Variants in ANTXR1 observed in about 807,000 individuals in gnomAD.
ANTXR1 encodes anthrax toxin receptor 1.
ANTXR1 carries 19 observed loss-of-function variants against 78.1 expected under a neutral mutation model. That is an observed-to-expected ratio of 0.24 (90% CI 0.17 to 0.36). ANTXR1 has a LOEUF of 0.36. ANTXR1 is among the 10% of genes least tolerant of loss of function. The pLI is 1.00. For synonymous variants in ANTXR1, 273 were observed against 260.5 expected (o/e 1.05, Z -0.46); for missense variants, 518 against 718.6 (o/e 0.72, Z 3.19).
At position 69,123,054 on chromosome 2, in the gene ANTXR1, G is replaced by A. The variant is rs1328891292; in HGVS notation, c.840G>A (p.Leu280=). The change falls in exon 11 of 18, where the codon CTG becomes CTA. Residue 280 remains leucine (L), a synonymous_variant. Coordinates refer to ENST00000303714, the MANE Select transcript of ANTXR1 (RefSeq NM_032208.3). ...KPFSVEDTYL[L]CPAPILKEVG... is the part of the protein sequence containing the mutation. ...TTTCTGTGGAAGATACTTATTTACTGTGTCCAGCGCCTATCTTAAAAGAAG... is the reference window on the plus strand; with the variant it reads ...TTTCTGTGGAAGATACTTATTTACTATGTCCAGCGCCTATCTTAAAAGAAG... 6.2e-7 allele frequency: 1 copy of A among 1,614,094 alleles called. No individual in the cohort carries two copies. Among genetic ancestry groups the A allele is most frequent in the African/African-American group, 1.3e-5 (1 of 74,980 alleles).
rs137967140 is a variant in ANTXR1, at chr2:69,161,480, C to G, written c.1048-8768C>G. 2.4e-3 allele frequency among the ~76,000 whole-genome samples: 368 copies of G among 152,334 alleles called. 1 individual carries two copies. The highest frequency in any genetic ancestry group is 8.6e-3 in the African/African-American group (356 of 41,568). On this transcript the variant is annotated intron_variant, in intron 13 of 17. Coordinates refer to ENST00000303714, the MANE Select transcript of ANTXR1 (RefSeq NM_032208.3). ...ACCCTTGGTACCATCCTTTGCTAAA[C>G]TTTTACAGTGTAAAATTACTGGATT...
At chr2:69,053,646 A>T (rs971569444) in intron 3 of ANTXR1, among the ~76,000 whole-genome samples, 3 of 152,196 alleles carry the variant, frequency 2.0e-5, no homozygotes, top group Non-Finnish European at 4.4e-5. Context: ...GCAGACCAAG[A>T]TCATTATCTT....
intron 13 of ANTXR1, among the ~76,000 whole-genome samples, chr2:69,169,006 G>A (rs1030873368): frequency 1.2e-4 from 18 of 152,252 alleles, no homozygotes; most frequent in African/African-American, 3.6e-4. Context: ...ATGCAGAGAT[G>A]ACGTTATCAA....
chr2:69,163,794 G>A (rs1447912377), intron 13 of ANTXR1, among the ~76,000 whole-genome samples: 4 of 152,198 alleles, frequency 2.6e-5, no homozygotes, highest in Non-Finnish European at 5.9e-5. Context: ...ACTACTGGTG[G>A]CTGGGCAGCA....
At chr2:69,238,668 A>T (rs1310341064) in intron 17 of ANTXR1, among the ~76,000 whole-genome samples, 1 of 152,246 alleles carries the variant, frequency 6.6e-6, no homozygotes, top group Non-Finnish European at 1.5e-5. Flanking sequence ...CTAATTCATT[A>T]GTAACTTGAG....
chr2:69,067,778 G>T (rs1346521103), intron 3 of ANTXR1, among the ~76,000 whole-genome samples: 5 of 152,178 alleles, frequency 3.3e-5, no homozygotes, highest in Admixed American at 1.3e-4. Flanking sequence ...ACAGGGCAGA[G>T]CTGCCCCCTG....
intron 8 of ANTXR1, among the ~76,000 whole-genome samples, chr2:69,081,976 A>G (rs1238840057): frequency 6.6e-6 from 1 of 152,272 alleles, no homozygotes; most frequent in Admixed American, 6.5e-5. Context: ...CACAGTGAGT[A>G]GTGATCCCGA....
intron 10 of ANTXR1, among the ~76,000 whole-genome samples, chr2:69,115,149 G>A (rs544815476): frequency 6.6e-6 from 1 of 152,316 alleles, no homozygotes; most frequent in East Asian, 1.9e-4. Flanking sequence ...TCCTCCCCCA[G>A]TTGCAGTAAC....
At chr2:69,075,746 T>C (rs2104227330) in intron 7 of ANTXR1, 88 bp downstream of exon 7, 1 of 1,160,650 alleles carries the variant, frequency 8.6e-7, no homozygotes, top group South Asian at 1.2e-5. Flanking sequence ...GGAAGATCAA[T>C]GGAATAAATG....
At chr2:69,031,150 T>A (rs1437105510) in intron 1 of ANTXR1, among the ~76,000 whole-genome samples, 1 of 152,108 alleles carries the variant, frequency 6.6e-6, no homozygotes. Flanking sequence ...TGCCCACCCC[T>A]GGACTAAGAA....
chr2:69,029,572 A>C (rs1671463453), intron 1 of ANTXR1, among the ~76,000 whole-genome samples: 1 of 151,748 alleles, frequency 6.6e-6, no homozygotes, highest in African/African-American at 2.4e-5. Flanking sequence ...AGAAAAAAAA[A>C]TAGGCTCAAC....
chr2:69,069,235 A>T (rs1670494771), intron 3 of ANTXR1, among the ~76,000 whole-genome samples: 1 of 152,180 alleles, frequency 6.6e-6, no homozygotes, highest in Non-Finnish European at 1.5e-5. Context: ...TGCCAGGATA[A>T]ATATGAGAGA....
intron 3 of ANTXR1, among the ~76,000 whole-genome samples, chr2:69,067,445 CTTTTT>C (rs372043237): frequency 6.5e-5 from 8 of 123,336 alleles, no homozygotes; most frequent in African/African-American, 8.9e-5. Context: ...CCCAAGAAGC[CTTTTT>C]TTTTTTTTTT....
rs566435914 is a variant in ANTXR1 at position 69,143,072 on chromosome 2, T to A, written c.952-9097T>A. 1.5e-4 allele frequency among the ~76,000 whole-genome samples: 23 copies of A among 152,320 alleles called. No homozygotes were observed. The South Asian group carries it at 3.3e-3, about 22-fold the overall frequency. The stretch of plus-strand genomic sequence containing the variant: ...CAATGAAGAGCTATTAAAAAGTTCA[T>A]GGGCAGGCAAATCTATCAGAATATC... On this transcript the variant is annotated intron_variant, in intron 12 of 17. Transcript: ENST00000303714.
At chr2:69,163,945 C>A (rs1299496159) in intron 13 of ANTXR1, among the ~76,000 whole-genome samples, 1 of 152,206 alleles carries the variant, frequency 6.6e-6, no homozygotes, top group Non-Finnish European at 1.5e-5. Flanking sequence ...CTTTACCTTG[C>A]AAAAATCATA....
At chr2:69,031,576 T>C (rs1671531449) in intron 1 of ANTXR1, among the ~76,000 whole-genome samples, 1 of 152,202 alleles carries the variant, frequency 6.6e-6, no homozygotes, top group East Asian at 1.9e-4. Context: ...CCCTCATTCT[T>C]AGCATCTGTC....
At chr2:69,072,790 T>C (rs541921866) in intron 5 of ANTXR1, among the ~76,000 whole-genome samples, 4 of 152,238 alleles carry the variant, frequency 2.6e-5, no homozygotes, top group South Asian at 2.1e-4. Context: ...TTGGCCATTT[T>C]TCAAGATGAG....
chr2:69,141,610 G>C (rs1205145717), intron 12 of ANTXR1, among the ~76,000 whole-genome samples: 2 of 152,212 alleles, frequency 1.3e-5, no homozygotes, highest in Non-Finnish European at 2.9e-5. Context: ...GACCCTGGGA[G>C]ACATACCAGT....
intron 1 of ANTXR1, among the ~76,000 whole-genome samples, chr2:69,021,543 C>T (rs148286028): frequency 8.5e-4 from 130 of 152,170 alleles, no homozygotes; most frequent in Admixed American, 1.9e-3. Flanking sequence ...ATCAAGGCTG[C>T]GAGGGAAGAG....
Sources: allele counts gnomAD v4.1 joint callset (sites outside exome capture counted in the v4.1 genomes callset), GRCh38; gene constraint gnomAD v4.1.1; transcripts MANE v1.5; gene names NCBI Gene and HGNC (gene_info 2026-07-23, HGNC 2026-07-21).